The following DAB1 variants were observed in gnomAD, a reference collection of about 807,000 sequenced individuals.
DAB1 encodes DAB adaptor protein 1, also known as disabled homolog 1.
In DAB1, 15 loss-of-function variants were observed where a neutral mutation model predicts 64.6. The observed-to-expected ratio is 0.23, with a 90% CI of 0.16 to 0.36. The LOEUF (loss-of-function observed/expected upper bound fraction) is 0.36, where lower values mean the gene tolerates loss of function less well. DAB1 is among the 10% of genes least tolerant of loss of function. DAB1 has a pLI of 1.00. For missense variants in DAB1, 596 were observed against 706.7 expected (o/e 0.84, Z 1.78); for synonymous variants, 235 against 251.9 (o/e 0.93, Z 0.64).
chr1:57,818,228 T>C (rs1651957693), intron 6 of DAB1, among the ~76,000 whole-genome samples: 1 of 152,160 alleles, frequency 6.6e-6, no homozygotes, highest in African/African-American at 2.4e-5. Flanking sequence ...AATATCAAAA[T>C]GATTGAGTAA....
chr1:57,246,568 C>T (rs1558016765), intron 2 of DAB1, among the ~76,000 whole-genome samples: 1 of 152,192 alleles, frequency 6.6e-6, no homozygotes, highest in Non-Finnish European at 1.5e-5. Context: ...GTTGGAGCCC[C>T]CCTACCCCAC....
At chr1:57,424,587 CT>C (rs1460756973), upstream of DAB1, among the ~76,000 whole-genome samples, 2 of 152,210 alleles carry the variant, frequency 1.3e-5, no homozygotes, top group East Asian at 3.9e-4. Flanking sequence ...AAGATCTACC[CT>C]TTTATCCAAG....
At chr1:58,000,118 C>A (rs1328597836) in intron 5 of DAB1, among the ~76,000 whole-genome samples, 1 of 151,868 alleles carries the variant, frequency 6.6e-6, no homozygotes, top group African/African-American at 2.4e-5. Flanking sequence ...TCTGTCCTGC[C>A]CTTGAAGAGC....
intron 6 of DAB1, among the ~76,000 whole-genome samples, chr1:57,667,453 T>C (rs1171266615): frequency 6.6e-6 from 1 of 152,154 alleles, no homozygotes; most frequent in South Asian, 2.1e-4. Flanking sequence ...TATTTGTTTA[T>C]TGTTTCTCTC....
At chr1:57,142,681 T>A (rs371771599) in intron 3 of DAB1, among the ~76,000 whole-genome samples, 12 of 151,532 alleles carry the variant, frequency 7.9e-5, no homozygotes, top group African/African-American at 2.9e-4. Flanking sequence ...CTAGTCCAGC[T>A]AGCTTGGGCC....
chr1:58,465,205 C>T (rs1240814079), intron 3 of DAB1, among the ~76,000 whole-genome samples: 1 of 152,172 alleles, frequency 6.6e-6, no homozygotes, highest in Non-Finnish European at 1.5e-5. Context: ...CAAACTAGAA[C>T]ACTGCCTCAT....
intron 4 of DAB1, among the ~76,000 whole-genome samples, chr1:57,075,580 A>T (rs555667728): frequency 6.6e-6 from 1 of 152,200 alleles, no homozygotes; most frequent in Non-Finnish European, 1.5e-5. Flanking sequence ...CTACAATTGC[A>T]TTATCACATT....
chr1:58,482,286 G>A (rs189499882), intron 3 of DAB1, among the ~76,000 whole-genome samples: 4 of 152,226 alleles, frequency 2.6e-5, no homozygotes, highest in African/African-American at 7.2e-5. Flanking sequence ...AGCAACATAA[G>A]CATGTTATTT....
rs373913220 is a variant in DAB1, at chr1:58,056,365, A to C, written n.387+94146T>G. ...GGCCTTCACTATGTTTCGAATGACG[A>C]ATGTCTTAATGGCCTTGTCCTTGGG... On this transcript the variant is annotated intron_variant and non_coding_transcript_variant, in intron 5 of 20. Transcript: ENST00000485760. 1.8e-4 allele frequency: 280 copies of C among 1,588,174 alleles called. 1 individual carries two copies. In the African/African-American group the frequency reaches 3.3e-3, roughly 19 times the overall value.
At chr1:57,378,659 A>G (rs1681103533) in intron 1 of DAB1, among the ~76,000 whole-genome samples, 1 of 152,178 alleles carries the variant, frequency 6.6e-6, no homozygotes, top group South Asian at 2.1e-4. Flanking sequence ...TCACACTTGG[A>G]TGATCCGTGC....
chr1:58,375,613 G>A (rs1390061683), intron 3 of DAB1, among the ~76,000 whole-genome samples: 11 of 147,762 alleles, frequency 7.4e-5, no homozygotes, highest in African/African-American at 2.7e-4. Context: ...TTGCATCAAT[G>A]TTCATCAAGG....
At chr1:57,229,406 G>T (rs1204485406) in intron 2 of DAB1, among the ~76,000 whole-genome samples, 5 of 151,772 alleles carry the variant, frequency 3.3e-5, no homozygotes, top group African/African-American at 1.2e-4. Flanking sequence ...TGTTGCTCAG[G>T]CTGGTCTCAA....
At chr1:57,627,601 A>G (rs1645938351) in intron 7 of DAB1, among the ~76,000 whole-genome samples, 1 of 152,252 alleles carries the variant, frequency 6.6e-6, no homozygotes, top group African/African-American at 2.4e-5. Context: ...CCACTATGTC[A>G]TCAGAATCTA....
chr1:57,547,356 C>T (rs1281097989), intron 7 of DAB1, among the ~76,000 whole-genome samples: 2 of 152,104 alleles, frequency 1.3e-5, no homozygotes, highest in Non-Finnish European at 2.9e-5. Context: ...TTTAAAGCTT[C>T]TTTTAATTTG....
intron 4 of DAB1, among the ~76,000 whole-genome samples, chr1:58,249,657 G>A (rs1660708757): frequency 6.6e-6 from 1 of 152,134 alleles, no homozygotes; most frequent in Non-Finnish European, 1.5e-5. Context: ...CGGAAGTCTC[G>A]ACGCTGCCCA....
At chr1:57,912,992 C>G (rs1644670382) in intron 5 of DAB1, among the ~76,000 whole-genome samples, 1 of 152,158 alleles carries the variant, frequency 6.6e-6, no homozygotes, top group South Asian at 2.1e-4. Flanking sequence ...TAGGAAGAAT[C>G]AATATCGTGA....
chr1:58,105,119 C>G lies in DAB1; in HGVS notation n.387+45392G>C, dbSNP rs1198879712. Reference sequence around the variant, plus strand: ...CTCTGAGGACTCCATAAATTTTGTGCTTTGGCACTCCCATGTGAGATCAAG... The same window carrying G: ...CTCTGAGGACTCCATAAATTTTGTGGTTTGGCACTCCCATGTGAGATCAAG... On this transcript the variant is annotated intron_variant and non_coding_transcript_variant, in intron 5 of 20. Transcript: ENST00000485760. 2.0e-5 allele frequency among the ~76,000 whole-genome samples: 3 copies of G among 152,190 alleles called. No individual in the cohort carries two copies. The South Asian group carries it at 6.2e-4, about 32-fold the overall frequency.
intron 3 of DAB1, among the ~76,000 whole-genome samples, chr1:58,373,183 T>A (rs191431907): frequency 2.7e-5 from 4 of 150,892 alleles, no homozygotes; most frequent in Non-Finnish European, 5.9e-5. Flanking sequence ...TTTTTTTTTT[T>A]AATTATACTT....
chr1:57,882,639 C>A (rs941451274), intron 1 of DAB1, among the ~76,000 whole-genome samples: 4 of 152,166 alleles, frequency 2.6e-5, no homozygotes, highest in African/African-American at 9.7e-5. Flanking sequence ...AGTGAAAACA[C>A]TCCTACTTAA....
Sources: allele counts gnomAD v4.1 joint callset (sites outside exome capture counted in the v4.1 genomes callset), GRCh38; gene constraint gnomAD v4.1.1; transcripts MANE v1.5; gene names NCBI Gene and HGNC (gene_info 2026-07-23, HGNC 2026-07-21).